The following KPNA5 variants were observed in gnomAD, a reference collection of about 807,000 sequenced individuals.
KPNA5 encodes the protein importin subunit alpha-6.
A neutral mutation model predicts 71.3 loss-of-function variants in KPNA5; 46 were observed. That is an observed-to-expected ratio of 0.65 (90% confidence interval 0.51 to 0.83). The LOEUF (loss-of-function observed/expected upper bound fraction) is 0.83, where lower values mean the gene tolerates loss of function less well. Among genes scored for constraint, KPNA5 ranks in the 40% least tolerant of loss-of-function variants. The probability of loss-of-function intolerance (pLI) is 0.00; values close to 1 mark genes in which losing one functional copy is unlikely to be tolerated. For missense variants in KPNA5, 547 were observed against 628.3 expected (o/e 0.87, Z 1.38); for synonymous variants, 207 against 201.4 (o/e 1.03, Z -0.24).
intron 1 of KPNA5, among the ~76,000 whole-genome samples, chr6:116,681,841 A>C (rs781478140): frequency 6.6e-6 from 1 of 152,082 alleles, no homozygotes; most frequent in Non-Finnish European, 1.5e-5. Context: ...CCCGACGACA[A>C]GGCAAGCCTG....
At chr6:116,692,233 T>C in intron 3 of KPNA5, 60 bp from the exon 4 acceptor site, 1 of 1,421,136 alleles carries the variant, frequency 7.0e-7, no homozygotes, top group South Asian at 1.2e-5. Context: ...TATTTATGCA[T>C]GCAAAATTAT....
chr6:116,684,996 A>G (rs1777514113), intron 1 of KPNA5, among the ~76,000 whole-genome samples: 1 of 152,262 alleles, frequency 6.6e-6, no homozygotes, highest in African/African-American at 2.4e-5. Flanking sequence ...AGTGAAACAT[A>G]AACTTGCCGT....
intron 2 of KPNA5, among the ~76,000 whole-genome samples, chr6:116,690,268 A>G (rs1045193972): frequency 6.6e-6 from 1 of 152,182 alleles, no homozygotes; most frequent in Non-Finnish European, 1.5e-5. Flanking sequence ...TCATCTCCCT[A>G]TCTACAGCGT....
chr6:116,732,264 A>G lies in KPNA5; in HGVS notation c.1561A>G (p.Asn521Asp), dbSNP rs1216313382. ...CAGCATTGTACCTCAGGTGGATGAA[A>G]ACCAACAACAGTTTATATTTCAGCA... ...DPSIVPQVDENQQQFIFQQQE... is the reference protein window; with the variant it reads ...DPSIVPQVDEDQQQFIFQQQE... Residue 521 changes from asparagine (N) to aspartate (D), a missense_variant, in exon 14 of 14, where the codon AAC becomes GAC. Asn to Asp is a conservative substitution (Grantham distance 23). Coordinates refer to ENST00000368564, the MANE Select transcript of KPNA5 (RefSeq NM_001366306.2). 6.4e-7 allele frequency: 1 copy of G among 1,570,012 alleles called. No individual in the cohort carries two copies. The highest frequency in any genetic ancestry group is 8.6e-7 in the Non-Finnish European group (1 of 1,157,144).
intron 7 of KPNA5, among the ~76,000 whole-genome samples, chr6:116,706,336 A>G (rs929930689): frequency 6.6e-6 from 1 of 152,232 alleles, no homozygotes; most frequent in African/African-American, 2.4e-5. Context: ...GGCTGAAACC[A>G]AACTAAAAAA....
At chr6:116,711,566 T>G (rs910794529) in intron 7 of KPNA5, among the ~76,000 whole-genome samples, 1 of 125,486 alleles carries the variant, frequency 8.0e-6, no homozygotes, top group South Asian at 2.6e-4. Context: ...GTGTGTGTGT[T>G]TTAACTCACT....
intron 1 of KPNA5, chr6:116,681,562 G>C (rs1039841597): frequency 2.6e-5 from 34 of 1,313,052 alleles, no homozygotes; most frequent in Middle Eastern, 2.8e-4. Flanking sequence ...GGTGAGTTCA[G>C]ATTCTTTCAG....
chr6:116,690,510 G>C (rs10046314), intron 2 of KPNA5, among the ~76,000 whole-genome samples: 2,681 of 152,048 alleles, frequency 0.018, 68 homozygotes, highest in African/African-American at 0.061. Context: ...ATGCGTGGTG[G>C]CTGGCGCCTG....
rs907333104 is a variant in KPNA5, at chr6:116,734,333, A to C, written c.*2010A>C. ...ATAAATTTCTAAGCCAAATTTTTCA[A>C]ACAAGATAGTTCTTATAGAAGGAGA... On this transcript the variant is annotated 3_prime_UTR_variant, in exon 14 of 14. Transcript: ENST00000368564. The C allele has an allele frequency of 5.3e-5, 8 of 151,706 alleles. No individual in the cohort carries two copies. Among genetic ancestry groups the C allele is most frequent in the African/African-American group, 1.7e-4 (7 of 41,414 alleles). The allele number at this position is 151,706 out of a possible 1,614,324, so 9.4% of individuals were successfully genotyped here. A position where few individuals can be genotyped will look rare whatever the true frequency, so the allele number is the denominator to read the frequency against.
rs147026125 is a variant in KPNA5, at chr6:116,741,000, AAAAAG to A, written c.*8681_*8685del. 126 of 151,758 alleles carry A rather than the reference AAAAAG, an allele frequency of 8.3e-4. No homozygotes were observed. The highest frequency in any genetic ancestry group is 2.7e-3 in the African/African-American group (113 of 41,230). The allele number at this position is 151,758 out of a possible 1,614,324, so 9.4% of individuals were successfully genotyped here. On this transcript the variant is annotated 3_prime_UTR_variant, in exon 14 of 14. Transcript: ENST00000368564. ...CCTGAAACTTAAAGTATAATAAAAA[AAAAAG>A]AAATGTACTTTTAAATTTCAGACCT... is the stretch of plus-strand genomic sequence containing the variant.
chr6:116,698,843 T>A, intron 5 of KPNA5, 45 bp downstream of exon 5: 1 of 1,154,898 alleles, frequency 8.7e-7, no homozygotes, highest in Non-Finnish European at 1.2e-6. Flanking sequence ...AGAAATGACA[T>A]GTTAAAGTTT....
chr6:116,693,756 C>T (rs1377659688), intron 4 of KPNA5, among the ~76,000 whole-genome samples: 2 of 151,826 alleles, frequency 1.3e-5, no homozygotes, highest in Admixed American at 1.3e-4. Context: ...TCCCATTTGT[C>T]AATTTTGGCT....
intron 7 of KPNA5, among the ~76,000 whole-genome samples, chr6:116,707,306 T>C (rs1442102629): frequency 6.6e-6 from 1 of 152,224 alleles, no homozygotes; most frequent in Non-Finnish European, 1.5e-5. Flanking sequence ...ATTCATTTGA[T>C]TCTCAGTAAA....
chr6:116,688,104 C>G (rs541039592), intron 1 of KPNA5, among the ~76,000 whole-genome samples: 1 of 152,210 alleles, frequency 6.6e-6, no homozygotes, highest in East Asian at 1.9e-4. Flanking sequence ...ATGCTTGATT[C>G]TCCCCATTTC....
rs1779866225 is a variant in KPNA5 at position 116,741,337 on chromosome 6, T to C, written c.*9014T>C. On this transcript the variant is annotated 3_prime_UTR_variant, in exon 14 of 14. Transcript: ENST00000368564. ...TATGTTTTTTACATTATTTTGTGCA[T>C]AGAAATTTAGAATTACATCTTTTTT... is the stretch of plus-strand genomic sequence containing the variant. 6.9e-6 allele frequency: 1 copy of C among 145,476 alleles called. No homozygotes were observed. The highest frequency in any genetic ancestry group is 2.6e-5 in the African/African-American group (1 of 37,814). 9.0% of individuals were successfully genotyped at this position (145,476 alleles called of 1,614,324 possible).
intron 1 of KPNA5, among the ~76,000 whole-genome samples, chr6:116,683,591 T>A (rs912684083): frequency 7.2e-5 from 11 of 152,044 alleles, no homozygotes; most frequent in East Asian, 5.8e-4. Flanking sequence ...ATTTATTATT[T>A]TTTTTTGAGA....
In KPNA5 at chr6:116,734,038, T is replaced by C. The variant is rs902163800; in HGVS notation, c.*1715T>C. The C allele has an allele frequency of 8.6e-5, 13 of 151,740 alleles. No homozygotes were observed. Among genetic ancestry groups the C allele is most frequent in the Admixed American group, 5.9e-4 (9 of 15,184 alleles). The allele number at this position is 151,740 out of a possible 1,614,324, so 9.4% of individuals were successfully genotyped here. ...ATTATTAAGTAGAAGATTGTATCTG[T>C]GCCCCTTTTTTCGTAGTGGAAGGTA... On this transcript the variant is annotated 3_prime_UTR_variant, in exon 14 of 14. Transcript: ENST00000368564.
intron 4 of KPNA5, among the ~76,000 whole-genome samples, chr6:116,694,027 G>A (rs1480830784): frequency 6.6e-6 from 1 of 152,160 alleles, no homozygotes; most frequent in Non-Finnish European, 1.5e-5. Context: ...TGTCAGGTTT[G>A]TCAAAGATCA....
intron 5 of KPNA5, among the ~76,000 whole-genome samples, chr6:116,701,398 A>G (rs1210928183): frequency 6.6e-6 from 1 of 152,122 alleles, no homozygotes; most frequent in South Asian, 2.1e-4. Flanking sequence ...TTTATTTTAA[A>G]TCCATAATGT....
Sources: allele counts gnomAD v4.1 joint callset (sites outside exome capture counted in the v4.1 genomes callset), GRCh38; gene constraint gnomAD v4.1.1; transcripts MANE v1.5; gene names NCBI Gene and HGNC (gene_info 2026-07-23, HGNC 2026-07-21).